Variants in FBXL17 observed in about 807,000 individuals in gnomAD.
FBXL17 encodes the protein F-box and leucine rich repeat protein 17, also known as F-box/LRR-repeat protein 17.
In FBXL17, 22 loss-of-function variants were observed where a neutral mutation model predicts 66.2. That is an observed-to-expected ratio of 0.33 (90% CI 0.24 to 0.47). The LOEUF (loss-of-function observed/expected upper bound fraction) is 0.47, where lower values mean the gene tolerates loss of function less well. Ranked by LOEUF, FBXL17 falls within the 20% of genes least tolerant of loss-of-function variation. The pLI, the probability that FBXL17 is intolerant of heterozygous loss-of-function variation, is 1.00. For synonymous variants in FBXL17, 474 were observed against 400.5 expected, an observed-to-expected ratio of 1.18 and a Z score of -2.19; for missense variants, 878 against 948.2, an observed-to-expected ratio of 0.93 and a Z score of 0.97.
At chr5:108,191,308 C>T (rs373640201) in intron 5 of FBXL17, among the ~76,000 whole-genome samples, 6 of 152,210 alleles carry the variant, frequency 3.9e-5, no homozygotes, top group African/African-American at 1.4e-4. Flanking sequence ...TCTTACCCAT[C>T]TCTTGCCTTC....
Position 108,380,962 on chromosome 5 carries a change from CG to C in FBXL17, c.729del (p.Asp244ThrfsTer114). 1.6e-6 allele frequency: 2 copies of C among 1,218,220 alleles called. No homozygotes were observed. The highest frequency in any genetic ancestry group is 2.0e-6 in the Non-Finnish European group (2 of 978,668). The allele number at this position is 1,218,220 out of a possible 1,614,324, so 75.5% of individuals were successfully genotyped here. A position where few individuals can be genotyped will look rare whatever the true frequency, so the allele number is the denominator to read the frequency against. On this transcript the variant is annotated frameshift_variant, in exon 1 of 9. Coordinates refer to ENST00000542267, the MANE Select transcript of FBXL17 (RefSeq NM_001163315.3). LOFTEE classifies it high-confidence loss of function. Reference sequence around the variant, plus strand: ...TCCGGGGCCTGGCAGCAGCCGGCGTCGGGGGGCCGGGGCGGCGAAGCGCCTC... The same window carrying C: ...TCCGGGGCCTGGCAGCAGCCGGCGTCGGGGGCCGGGGCGGCGAAGCGCCTC... ...AGGGASPPRP[P>X]DAGCCQAPEQ...
chr5:108,351,508 A>C (rs1371471186), intron 3 of FBXL17, among the ~76,000 whole-genome samples: 2 of 152,176 alleles, frequency 1.3e-5, no homozygotes, highest in African/African-American at 4.8e-5. Flanking sequence ...CTTGTGAATA[A>C]ACTGCATACA....
At chr5:108,291,217 C>T (rs1168179490) in intron 4 of FBXL17, among the ~76,000 whole-genome samples, 2 of 152,144 alleles carry the variant, frequency 1.3e-5, no homozygotes, top group East Asian at 3.9e-4. Flanking sequence ...TGATTATATT[C>T]TGTCAACTCT....
At position 108,325,895 on chromosome 5, in the gene FBXL17, T is replaced by G. The variant is rs559101675; in HGVS notation, c.1506+22504A>C. 2.2e-4 allele frequency among the ~76,000 whole-genome samples: 33 copies of G among 152,308 alleles called. No individual in the cohort carries two copies. In the East Asian group the frequency reaches 6.2e-3, roughly 28 times the overall value. ...AAGACATAAGCAATAGCTAACATTT[T>G]CTAGCCTACAAAACCAAAAGACTCT... On this transcript the variant is annotated intron_variant, in intron 4 of 8. Coordinates refer to ENST00000542267, the MANE Select transcript of FBXL17 (RefSeq NM_001163315.3).
In FBXL17 at chr5:107,861,693, C is replaced by T; in HGVS notation, c.*27G>A. Reference sequence around the variant, plus strand: ...ATTCTCCTCTGCTCTGCTGAATGATCCCAGTGGACTAGGCGAGGCAGGAGC... The same window carrying T: ...ATTCTCCTCTGCTCTGCTGAATGATTCCAGTGGACTAGGCGAGGCAGGAGC... On this transcript the variant is annotated 3_prime_UTR_variant, in exon 9 of 9. Coordinates refer to ENST00000542267, the MANE Select transcript of FBXL17 (RefSeq NM_001163315.3). 1.3e-6 allele frequency: 2 copies of T among 1,537,894 alleles called. No homozygotes were observed. Among genetic ancestry groups the T allele is most frequent in the South Asian group, 2.6e-5 (2 of 78,076 alleles).
At chr5:108,156,308 G>A (rs1436719491) in intron 6 of FBXL17, among the ~76,000 whole-genome samples, 1 of 151,772 alleles carries the variant, frequency 6.6e-6, no homozygotes, top group Non-Finnish European at 1.5e-5. Flanking sequence ...ATATATACTT[G>A]AGTTCATAAA....
intron 7 of FBXL17, among the ~76,000 whole-genome samples, chr5:107,891,866 T>C (rs575490509): frequency 2.6e-5 from 4 of 152,256 alleles, no homozygotes; most frequent in African/African-American, 9.6e-5. Flanking sequence ...TTATTCAATA[T>C]ACATTTGTTT....
intron 6 of FBXL17, among the ~76,000 whole-genome samples, chr5:108,024,606 G>T (rs952477813): frequency 1.3e-5 from 2 of 152,066 alleles, no homozygotes; most frequent in African/African-American, 2.4e-5. Context: ...TTAAAAAAAA[G>T]ACATTGCTAC....
At chr5:107,999,391 C>A (rs531289616) in intron 7 of FBXL17, among the ~76,000 whole-genome samples, 1 of 151,384 alleles carries the variant, frequency 6.6e-6, no homozygotes, top group Non-Finnish European at 1.5e-5. Context: ...ATATCACTGC[C>A]GTTCTACAAA....
intron 4 of FBXL17, among the ~76,000 whole-genome samples, chr5:108,283,702 G>A (rs778429419): frequency 4.0e-5 from 6 of 151,610 alleles, no homozygotes; most frequent in Non-Finnish European, 7.4e-5. Context: ...AAACTAAAAG[G>A]GTTCTGCATG....
Position 107,860,120 on chromosome 5 carries a change from A to T in FBXL17, c.*1600T>A, listed in dbSNP as rs1344404927. On this transcript the variant is annotated 3_prime_UTR_variant, in exon 9 of 9. Transcript: ENST00000542267. ...ACATGTTGACATAATCAAAGGAAAC[A>T]GTTGTTTACAAAAAAAGAGAATCAT... 1 of 152,254 alleles carries T rather than the reference A, an allele frequency of 6.6e-6. No individual in the cohort carries two copies. The highest frequency in any genetic ancestry group is 1.5e-5 in the Non-Finnish European group (1 of 68,022). The allele number at this position is 152,254 out of a possible 1,614,324, so 9.4% of individuals were successfully genotyped here.
At chr5:108,153,219 A>G (rs1311937521) in intron 6 of FBXL17, among the ~76,000 whole-genome samples, 1 of 152,226 alleles carries the variant, frequency 6.6e-6, no homozygotes, top group Non-Finnish European at 1.5e-5. Flanking sequence ...GTGAGAACAC[A>G]CTAATACAGC....
At chr5:108,321,230 A>T (rs1422743431) in intron 4 of FBXL17, among the ~76,000 whole-genome samples, 1 of 151,810 alleles carries the variant, frequency 6.6e-6, no homozygotes, top group Non-Finnish European at 1.5e-5. Flanking sequence ...AACATCCTTA[A>T]TTACTGAGTA....
At chr5:107,887,989 A>G (rs909108724) in intron 7 of FBXL17, among the ~76,000 whole-genome samples, 1 of 152,220 alleles carries the variant, frequency 6.6e-6, no homozygotes, top group Admixed American at 6.5e-5. Flanking sequence ...CTCAAACGGT[A>G]GTTACTTTGT....
chr5:107,869,026 C>A (rs1309349750), intron 8 of FBXL17, among the ~76,000 whole-genome samples: 1 of 152,142 alleles, frequency 6.6e-6, no homozygotes, highest in East Asian at 1.9e-4. Flanking sequence ...AGAAGATGGA[C>A]CCCTTTATTT....
At chr5:108,085,886 T>C (rs1178752827) in intron 6 of FBXL17, among the ~76,000 whole-genome samples, 10 of 152,320 alleles carry the variant, frequency 6.6e-5, no homozygotes, top group Non-Finnish European at 1.5e-4. Context: ...ATTATGGCAC[T>C]GCACTCCAGC....
intron 6 of FBXL17, among the ~76,000 whole-genome samples, chr5:108,157,867 A>G (rs1752053571): frequency 6.6e-6 from 1 of 152,086 alleles, no homozygotes; most frequent in Non-Finnish European, 1.5e-5. Context: ...CTAACTTCCC[A>G]GACAATGGTA....
intron 7 of FBXL17, among the ~76,000 whole-genome samples, chr5:108,009,294 TATATATACATATATACATACAC>T (rs1754081632): frequency 2.9e-5 from 2 of 68,432 alleles, no homozygotes; most frequent in African/African-American, 1.5e-4. Flanking sequence ...TATATATATA[TATATATACATATATACATACAC>T]ATATAGTTTT....
intron 4 of FBXL17, among the ~76,000 whole-genome samples, chr5:108,273,963 T>G (rs748916947): frequency 6.6e-6 from 1 of 152,150 alleles, no homozygotes; most frequent in Admixed American, 6.5e-5. Context: ...AGAACCTTGA[T>G]GAAAATGTTA....
Sources: gnomAD v4.1 joint callset for allele counts (sites outside exome capture counted in the v4.1 genomes callset) on GRCh38, gnomAD v4.1.1 for gene constraint, MANE v1.5 for transcripts, NCBI Gene and HGNC (gene_info 2026-07-23, HGNC 2026-07-21) for gene names.